The following GPR21 variants were observed in gnomAD, a reference collection of about 807,000 sequenced individuals.
The protein encoded by GPR21 is probable G protein-coupled receptor 21.
A neutral mutation model predicts 21.5 loss-of-function variants in GPR21; 9 were observed. That is an observed-to-expected ratio of 0.42 (90% CI 0.25 to 0.73). The LOEUF (loss-of-function observed/expected upper bound fraction) is 0.73. Ranked by LOEUF, GPR21 falls within the 30% of genes least tolerant of loss-of-function variation. The probability of loss-of-function intolerance (pLI) is 0.27; values close to 1 mark genes in which losing one functional copy is unlikely to be tolerated. For synonymous variants in GPR21, 169 were observed against 159.3 expected (o/e 1.06, Z -0.46); for missense variants, 416 against 428.9 (o/e 0.97, Z 0.27).
At chr9:123,042,367 G>A in the GPR21 span, among the ~76,000 whole-genome samples, 1 of 152,096 alleles carries the variant, frequency 6.6e-6, no homozygotes, top group Admixed American at 6.5e-5. Context: ...TTGAGAAAAA[G>A]TTCTCACATA....
downstream of GPR21, among the ~76,000 whole-genome samples, chr9:123,038,506 C>A (rs2032788037): frequency 1.0e-5 from 1 of 100,214 alleles, no homozygotes. Context: ...TTTGAAAAAT[C>A]TGCATGTTGA....
At chr9:123,048,999 A>T in the GPR21 span, among the ~76,000 whole-genome samples, 2 of 152,232 alleles carry the variant, frequency 1.3e-5, no homozygotes, top group Admixed American at 6.5e-5. Flanking sequence ...ATCACATGGG[A>T]CTTAGATTTA....
chr9:123,044,624 T>C, the GPR21 span, among the ~76,000 whole-genome samples: 1 of 96,100 alleles, frequency 1.0e-5, no homozygotes, highest in East Asian at 2.2e-4. Flanking sequence ...AAAACACACG[T>C]ACGTGTGTGT....
At chr9:123,043,900 C>CTTTTT in the GPR21 span, among the ~76,000 whole-genome samples, 2 of 129,432 alleles carry the variant, frequency 1.5e-5, no homozygotes, top group African/African-American at 2.9e-5. Context: ...GTATTATTTT[C>CTTTTT]TTTTTTTTTT....
Position 123,034,886 on chromosome 9 carries a change from T to C in GPR21, c.320T>C (p.Phe107Ser). 1 of 1,613,942 alleles carries C rather than the reference T, an allele frequency of 6.2e-7. No homozygotes were observed. Among genetic ancestry groups the C allele is most frequent in the Non-Finnish European group, 8.5e-7 (1 of 1,179,818 alleles). Residue 107 changes from phenylalanine to serine, a missense_variant, in exon 2 of 2, where the codon TTT becomes TCT. Coordinates refer to ENST00000616002, the MANE Select transcript of GPR21 (RefSeq NM_005294.3). ...EESLTCQIFG[F>S]VVSVLKSVSM... ...TCCTTGACTTGCCAGATATTTGGTT[T>C]TGTAGTATCAGTTCTGAAGAGCGTC...
chr9:123,035,293 C>G lies in GPR21; in HGVS notation c.727C>G (p.Gln243Glu), dbSNP rs148221592. Residue 243 changes from glutamine (Q) to glutamate (E), a missense_variant, in exon 2 of 2, where the codon CAG (glutamine) becomes GAG (glutamate). Gln to Glu is a conservative substitution (Grantham distance 29). Transcript: ENST00000616002. ...SSQSGETGEV[Q>E]ACPDKRYAMV... is the part of the protein sequence containing the mutation. ...CCAGAGTGGGGAGACTGGGGAAGTG[C>G]AGGCCTGTCCTGATAAGCGCTATGC... is the stretch of plus-strand genomic sequence containing the variant. 7 of 1,614,030 alleles carry G rather than the reference C, an allele frequency of 4.3e-6. No homozygotes were observed. In the African/African-American group the frequency reaches 9.3e-5, roughly 22 times the overall value.
At chr9:123,048,498 A>G in the GPR21 span, among the ~76,000 whole-genome samples, 1 of 152,246 alleles carries the variant, frequency 6.6e-6, no homozygotes, top group Non-Finnish European at 1.5e-5. Flanking sequence ...TCCATAGCAT[A>G]CAACGCTTTA....
the GPR21 span, among the ~76,000 whole-genome samples, chr9:123,044,647 G>A: frequency 6.6e-6 from 1 of 152,012 alleles, no homozygotes; most frequent in Admixed American, 6.6e-5. Context: ...GTGTGTGTGT[G>A]TGTGTGTATG....
the GPR21 span, among the ~76,000 whole-genome samples, chr9:123,043,634 G>C: frequency 0.39 from 59,784 of 151,478 alleles, 14,554 homozygotes; most frequent in South Asian, 0.59. Flanking sequence ...GAAGTGTTTG[G>C]GGGGTGAGGG....
rs993000812 is a variant in GPR21 at position 123,034,323 on chromosome 9, C to G, written c.-244C>G. The G allele has an allele frequency of 3.0e-5, 16 of 541,352 alleles. No individual in the cohort carries two copies. The South Asian group carries it at 4.7e-4, about 16-fold the overall frequency. The allele number at this position is 541,352 out of a possible 1,614,324, so 33.5% of individuals were successfully genotyped here. On this transcript the variant is annotated 5_prime_UTR_variant, in exon 2 of 2. Coordinates refer to ENST00000616002, the MANE Select transcript of GPR21 (RefSeq NM_005294.3). ...TGCTATGTGTATGGTGAACCTGGCA[C>G]TATGGCCGCGTCTGGGACTGGCCAG...
At chr9:123,045,167 T>C in the GPR21 span, among the ~76,000 whole-genome samples, 1 of 152,214 alleles carries the variant, frequency 6.6e-6, no homozygotes. Flanking sequence ...CAGCAAATAC[T>C]TACTGAGTTG....
chr9:123,036,211 CACATAA>C (rs1294749897), downstream of GPR21, among the ~76,000 whole-genome samples: 4 of 152,102 alleles, frequency 2.6e-5, no homozygotes, highest in African/African-American at 9.7e-5. Flanking sequence ...ATAATGTGAA[CACATAA>C]ACATTAATTT....
Position 123,034,929 on chromosome 9 carries a change from C to A in GPR21, c.363C>A (p.Ala121=). 2 of 1,612,580 alleles carry A rather than the reference C, an allele frequency of 1.2e-6. No individual in the cohort carries two copies. Among genetic ancestry groups the A allele is most frequent in the Non-Finnish European group, 1.7e-6 (2 of 1,178,654 alleles). Residue 121 remains alanine, a synonymous_variant, in exon 2 of 2, where the codon GCC becomes GCA. Transcript: ENST00000616002. ...AGAGCGTCTCCATGGCTTCTCTGGCCTGTATCAGCATTGATAGATACATTG... is the reference window on the plus strand; with the variant it reads ...AGAGCGTCTCCATGGCTTCTCTGGCATGTATCAGCATTGATAGATACATTG... The part of the protein sequence containing the change: ...VLKSVSMASL[A]CISIDRYIAI...
downstream of GPR21, among the ~76,000 whole-genome samples, chr9:123,036,598 G>GA: frequency 6.6e-6 from 1 of 152,282 alleles, no homozygotes; most frequent in African/African-American, 2.4e-5. Flanking sequence ...AACTGAGTCA[G>GA]AAAGTATACC....
chr9:123,042,327 A>G, the GPR21 span, among the ~76,000 whole-genome samples: 1 of 152,202 alleles, frequency 6.6e-6, no homozygotes, highest in Non-Finnish European at 1.5e-5. Context: ...CACTTTTAAT[A>G]TTAACAGACA....
At chr9:123,040,927 G>T in the GPR21 span, among the ~76,000 whole-genome samples, 1 of 152,118 alleles carries the variant, frequency 6.6e-6, no homozygotes, top group East Asian at 1.9e-4. Flanking sequence ...AACCAGCCCA[G>T]TGGCCACTGG....
chr9:123,044,146 G>A, the GPR21 span, among the ~76,000 whole-genome samples: 11 of 151,950 alleles, frequency 7.2e-5, no homozygotes, highest in African/African-American at 1.9e-4. Context: ...CTCGTGATCC[G>A]CCCATCTCGG....
chr9:123,047,149 AATT>A, the GPR21 span, among the ~76,000 whole-genome samples: 1 of 152,220 alleles, frequency 6.6e-6, no homozygotes, highest in Non-Finnish European at 1.5e-5. Flanking sequence ...AAAATCAAAG[AATT>A]GTCTTTCCAT....
Position 123,035,048 on chromosome 9 carries a change from TC to T in GPR21, c.484del (p.Leu162CysfsTer35). On this transcript the variant is annotated frameshift_variant, in exon 2 of 2. Transcript: ENST00000616002. LOFTEE classifies it high-confidence loss of function. The stretch of plus-strand genomic sequence containing the variant: ...ATTTGGCTATACTCGACCCTGGTCT[TC>T]CTGCCTTCCTTTTTCCACTGGGGCA... ...FLIWLYSTLV[F>X]LPSFFHWGKP... The T allele has an allele frequency of 6.2e-7, 1 of 1,614,130 alleles. No homozygotes were observed.
Sources: allele counts gnomAD v4.1 joint callset (sites outside exome capture counted in the v4.1 genomes callset), GRCh38; gene constraint gnomAD v4.1.1; transcripts MANE v1.5; gene names NCBI Gene and HGNC (gene_info 2026-07-23, HGNC 2026-07-21).